The following GRM5 variants were observed in gnomAD, a reference collection of about 807,000 sequenced individuals.
GRM5 encodes the protein glutamate metabotropic receptor 5.
A neutral mutation model predicts 83.1 loss-of-function variants in GRM5; 19 were observed. The observed-to-expected ratio is 0.23, with a 90% CI of 0.16 to 0.34. The LOEUF is 0.34. Ranked by LOEUF, GRM5 falls within the 10% of genes least tolerant of loss-of-function variation. GRM5 has a pLI of 1.00. For missense variants in GRM5, 1,160 were observed against 1,588.3 expected (o/e 0.73, Z 4.58); for synonymous variants, 675 against 633.6 (o/e 1.07, Z -0.98).
intron 8 of GRM5, among the ~76,000 whole-genome samples, chr11:88,557,665 C>T (rs886182505): frequency 1.3e-5 from 2 of 152,122 alleles, no homozygotes; most frequent in African/African-American, 4.8e-5. Context: ...TCCCTGCACA[C>T]ACCATGTTGT....
intron 5 of GRM5, among the ~76,000 whole-genome samples, chr11:88,599,806 G>A (rs1251720681): frequency 6.6e-6 from 1 of 152,112 alleles, no homozygotes; most frequent in Admixed American, 6.5e-5. Flanking sequence ...GAGGTCAGGA[G>A]ATCGAGACCA....
Position 88,985,638 on chromosome 11 carries a change from T to C in GRM5, c.661+61574A>G, listed in dbSNP as rs374762987. 4.3e-4 allele frequency among the ~76,000 whole-genome samples: 65 copies of C among 151,142 alleles called. No homozygotes were observed. The East Asian group carries it at 6.4e-3, about 15-fold the overall frequency. ...TCCATATTAAGTTTAAATTCAGCAG[T>C]TTTCAAACATGGCCAAGGATGCCTT... is the stretch of plus-strand genomic sequence containing the variant. On this transcript the variant is annotated intron_variant, in intron 2 of 9. Transcript: ENST00000305447.
At chr11:88,892,891 G>T (rs1287685329) in intron 2 of GRM5, among the ~76,000 whole-genome samples, 3 of 151,884 alleles carry the variant, frequency 2.0e-5, no homozygotes, top group Non-Finnish European at 4.4e-5. Context: ...TAACCCAGAG[G>T]TTTATTTGTT....
At position 89,052,551 on chromosome 11, in the gene GRM5, G is replaced by C. The variant is rs555437835; in HGVS notation, c.-200-4479C>G. ...TACATTCTATACACTGAAGATTTCTGACACATTGGCTATGTTTTTGAGTGT... is the reference window on the plus strand; with the variant it reads ...TACATTCTATACACTGAAGATTTCTCACACATTGGCTATGTTTTTGAGTGT... On this transcript the variant is annotated intron_variant, in intron 1 of 9. Transcript: ENST00000305447. Among the ~76,000 whole-genome samples, 49 of 152,192 alleles carry C rather than the reference G, an allele frequency of 3.2e-4. No individual in the cohort carries two copies. In the South Asian group the frequency reaches 9.8e-3, roughly 30 times the overall value.
intron 2 of GRM5, among the ~76,000 whole-genome samples, chr11:89,024,797 T>C (rs1941089056): frequency 6.6e-6 from 1 of 152,102 alleles, no homozygotes; most frequent in South Asian, 2.1e-4. Flanking sequence ...AAATATAATA[T>C]TGGACCTTCA....
At position 88,780,717 on chromosome 11, in the gene GRM5, G is replaced by A. The variant is rs946903898; in HGVS notation, c.911+69189C>T. Among the ~76,000 whole-genome samples, 11 of 151,910 alleles carry A rather than the reference G, an allele frequency of 7.2e-5. No homozygotes were observed. In the South Asian group the frequency reaches 2.3e-3, roughly 32 times the overall value. On this transcript the variant is annotated intron_variant, in intron 3 of 9. Transcript: ENST00000305447. ...TTATTAAAAAATGTTGTAAAGATGG[G>A]GGTCTCACTATGTTGCCCAGGCTGG...
intron 3 of GRM5, among the ~76,000 whole-genome samples, chr11:88,720,907 T>C (rs1323336191): frequency 6.6e-6 from 1 of 151,094 alleles, no homozygotes; most frequent in African/African-American, 2.4e-5. Flanking sequence ...CAAAATCCAG[T>C]AAGGTTCACA....
intron 8 of GRM5, among the ~76,000 whole-genome samples, chr11:88,564,780 A>G (rs1050396985): frequency 3.9e-5 from 6 of 152,208 alleles, no homozygotes; most frequent in Admixed American, 1.3e-4. Context: ...TCCATCCCTA[A>G]GGAGCTTGCT....
At chr11:88,853,753 G>A (rs1944425602) in intron 2 of GRM5, among the ~76,000 whole-genome samples, 2 of 151,462 alleles carry the variant, frequency 1.3e-5, no homozygotes, top group African/African-American at 2.4e-5. Context: ...GGAGAGAGTT[G>A]ATGCAGATAA....
At chr11:88,661,094 A>G (rs1045256541) in intron 3 of GRM5, among the ~76,000 whole-genome samples, 3 of 152,174 alleles carry the variant, frequency 2.0e-5, no homozygotes, top group Non-Finnish European at 2.9e-5. Flanking sequence ...TAGTTTTGCA[A>G]TTGTCATTGT....
chr11:88,873,364 T>C (rs1944800760), intron 2 of GRM5, among the ~76,000 whole-genome samples: 1 of 151,596 alleles, frequency 6.6e-6, no homozygotes, highest in South Asian at 2.1e-4. Context: ...CAAATAAACC[T>C]AATAAATGTT....
intron 2 of GRM5, among the ~76,000 whole-genome samples, chr11:88,892,611 T>G (rs1945164878): frequency 6.6e-6 from 1 of 152,080 alleles, no homozygotes; most frequent in Non-Finnish European, 1.5e-5. Flanking sequence ...TATCATAATT[T>G]GTTTTTACCA....
chr11:88,748,538 G>T (rs974073034), intron 3 of GRM5, among the ~76,000 whole-genome samples: 3 of 152,226 alleles, frequency 2.0e-5, no homozygotes, highest in Admixed American at 6.5e-5. Context: ...AACATAAGTG[G>T]TCTGGATGAG....
At chr11:88,984,619 A>T in intron 2 of GRM5, 2 of 442,162 alleles carry the variant, frequency 4.5e-6, no homozygotes, top group Non-Finnish European at 8.2e-6. Context: ...CCTAAATTTA[A>T]ATAAAGATTA....
chr11:88,687,561 TTATATATATATATATATAATA>T (rs1362306738), intron 3 of GRM5, among the ~76,000 whole-genome samples: 76 of 3,258 alleles, frequency 0.023, 9 homozygotes, highest in African/African-American at 0.036. Flanking sequence ...CACATATATA[TTATATATATATATATATAATA>T]TATATATATA....
chr11:88,783,805 A>G (rs1943018160), intron 3 of GRM5, among the ~76,000 whole-genome samples: 1 of 152,064 alleles, frequency 6.6e-6, no homozygotes, highest in Non-Finnish European at 1.5e-5. Context: ...TCTTATGAAA[A>G]TGAATGAAAA....
chr11:88,573,747 G>C (rs1055140796), intron 7 of GRM5, among the ~76,000 whole-genome samples: 2 of 152,186 alleles, frequency 1.3e-5, no homozygotes, highest in African/African-American at 4.8e-5. Context: ...GTTGACTGGT[G>C]ACTAACAACA....
chr11:88,528,778 G>A (rs1384107181), intron 8 of GRM5, among the ~76,000 whole-genome samples: 1 of 152,012 alleles, frequency 6.6e-6, no homozygotes, highest in South Asian at 2.1e-4. Flanking sequence ...ATGCCAGGCT[G>A]TTTGCTGTAC....
chr11:88,537,733 T>C (rs1203837474), intron 8 of GRM5, among the ~76,000 whole-genome samples: 1 of 152,182 alleles, frequency 6.6e-6, no homozygotes, highest in East Asian at 1.9e-4. Context: ...CCATCAGATC[T>C]TGTGGTCTCC....
Sources: allele counts gnomAD v4.1 joint callset (sites outside exome capture counted in the v4.1 genomes callset), GRCh38; gene constraint gnomAD v4.1.1; transcripts MANE v1.5; gene names NCBI Gene and HGNC (gene_info 2026-07-23, HGNC 2026-07-21).